The following FER variants were observed in gnomAD, a reference collection of about 807,000 sequenced individuals.
FER encodes tyrosine-protein kinase Fer.
FER carries 63 observed loss-of-function variants against 111.0 expected under a neutral mutation model. The ratio of observed to expected loss-of-function variants is 0.57; its 90% CI spans 0.46 to 0.70. The LOEUF is 0.70. Ranked by LOEUF, FER falls within the 30% of genes least tolerant of loss-of-function variation. FER has a pLI of 0.00. For synonymous variants in FER, 327 were observed against 313.9 expected, an observed-to-expected ratio of 1.04 and a Z score of -0.44; for missense variants, 914 against 954.0, an observed-to-expected ratio of 0.96 and a Z score of 0.55.
At chr5:109,025,988 C>G (rs1768675026) in intron 13 of FER, among the ~76,000 whole-genome samples, 1 of 152,052 alleles carries the variant, frequency 6.6e-6, no homozygotes, top group Admixed American at 6.6e-5. Flanking sequence ...TAACTGTTGG[C>G]TCTGAGAGTT....
At chr5:109,009,593 A>G (rs1309092424) in intron 13 of FER, among the ~76,000 whole-genome samples, 1 of 152,080 alleles carries the variant, frequency 6.6e-6, no homozygotes, top group East Asian at 1.9e-4. Context: ...TATAGAATCT[A>G]CCTTCTCCCT....
chr5:109,113,243 C>G (rs1241409528), intron 17 of FER, among the ~76,000 whole-genome samples: 3 of 152,066 alleles, frequency 2.0e-5, no homozygotes, highest in Non-Finnish European at 4.4e-5. Flanking sequence ...TTTTTCCTGC[C>G]TGATCTTGAT....
intron 16 of FER, among the ~76,000 whole-genome samples, chr5:109,062,142 G>A (rs115761658): frequency 0.027 from 4,170 of 152,074 alleles, 95 homozygotes; most frequent in Non-Finnish European, 0.036. Flanking sequence ...GCTAAAAGAT[G>A]ACCCCTTACT....
chr5:108,927,143 A>T (rs1753852131), intron 10 of FER, among the ~76,000 whole-genome samples: 1 of 152,070 alleles, frequency 6.6e-6, no homozygotes, highest in South Asian at 2.1e-4. Context: ...ATCTTGTAAG[A>T]ATTTTTAAAT....
At chr5:108,866,221 A>G (rs186060605) in intron 5 of FER, among the ~76,000 whole-genome samples, 52 of 152,334 alleles carry the variant, frequency 3.4e-4, no homozygotes, top group African/African-American at 6.7e-4. Flanking sequence ...TTAAGAAAAT[A>G]TGGCACATAT....
intron 17 of FER, among the ~76,000 whole-genome samples, chr5:109,170,004 A>G (rs1756939007): frequency 6.6e-6 from 1 of 152,156 alleles, no homozygotes. Context: ...GTAGCTGAAC[A>G]TTTTGCAGAC....
intron 10 of FER, among the ~76,000 whole-genome samples, chr5:108,918,643 C>T (rs538233018): frequency 4.6e-5 from 7 of 152,104 alleles, no homozygotes; most frequent in East Asian, 1.9e-4. Context: ...CCCGCCACCA[C>T]GCCTGGCTAA....
chr5:108,954,759 C>A lies in FER; in HGVS notation c.1360C>A (p.Pro454Thr). 1 of 1,605,298 alleles carries A rather than the reference C, an allele frequency of 6.2e-7. No individual in the cohort carries two copies. Reference sequence around the variant, plus strand: ...TGATATGATCTCCATCAGTGAGAAGCCTTTGGCAGAACAGGACTGGTACCA... The same window carrying A: ...TGATATGATCTCCATCAGTGAGAAGACTTTGGCAGAACAGGACTGGTACCA... ...LSDMISISEK[P>T]LAEQDWYHGA... Residue 454 changes from proline (P) to threonine (T), a missense_variant, in exon 12 of 20, where the codon CCT becomes ACT. Pro to Thr is a conservative substitution (Grantham distance 38). This residue lies in a region of FER where 774 missense variants were observed against 782.6 expected (regional missense o/e 0.99). Coordinates refer to ENST00000281092, the MANE Select transcript of FER (RefSeq NM_005246.4).
intron 10 of FER, among the ~76,000 whole-genome samples, chr5:108,943,700 AT>A (rs1181184111): frequency 2.6e-5 from 4 of 151,860 alleles, no homozygotes; most frequent in East Asian, 1.9e-4. Flanking sequence ...TAATTTAGGT[AT>A]TTTTTTAATA....
intron 9 of FER, among the ~76,000 whole-genome samples, chr5:108,897,260 A>G (rs1749284451): frequency 1.3e-5 from 2 of 152,130 alleles, no homozygotes. Context: ...ATTTTACCCT[A>G]GGCACAGATC....
intron 5 of FER, among the ~76,000 whole-genome samples, chr5:108,862,655 A>T (rs1039248897): frequency 6.6e-6 from 1 of 152,216 alleles, no homozygotes; most frequent in Admixed American, 6.5e-5. Flanking sequence ...GTACTCAAAT[A>T]CACTTGCATG....
At chr5:109,107,457 T>C (rs986502565) in intron 17 of FER, among the ~76,000 whole-genome samples, 1 of 152,136 alleles carries the variant, frequency 6.6e-6, no homozygotes, top group African/African-American at 2.4e-5. Flanking sequence ...CCCAGTAGTT[T>C]CTTTTTCTGC....
chr5:108,920,821 C>T (rs1295475154), intron 10 of FER, among the ~76,000 whole-genome samples: 1 of 152,108 alleles, frequency 6.6e-6, no homozygotes, highest in African/African-American at 2.4e-5. Flanking sequence ...TTATGACCCT[C>T]CATTGGTATT....
chr5:109,067,267 TTGCTGCTGC>T (rs141689251), intron 16 of FER, among the ~76,000 whole-genome samples: 11 of 150,658 alleles, frequency 7.3e-5, no homozygotes, highest in African/African-American at 2.7e-4. Flanking sequence ...GTTGTTGCTG[TTGCTGCTGC>T]TGCTGCTGTT....
At chr5:108,797,519 G>A (rs1756166283) in intron 2 of FER, among the ~76,000 whole-genome samples, 1 of 152,170 alleles carries the variant, frequency 6.6e-6, no homozygotes. Context: ...TGACATGGCA[G>A]CAGTGAGTTT....
chr5:108,960,485 T>C (rs1167112620), intron 13 of FER, among the ~76,000 whole-genome samples: 1 of 151,916 alleles, frequency 6.6e-6, no homozygotes, highest in East Asian at 1.9e-4. Context: ...TACCCTTAAT[T>C]ACCAAAACCA....
At chr5:109,006,866 A>G (rs1765563875) in intron 13 of FER, among the ~76,000 whole-genome samples, 2 of 152,162 alleles carry the variant, frequency 1.3e-5, no homozygotes, top group South Asian at 4.1e-4. Context: ...CACTTAATTA[A>G]GATTATTAAA....
chr5:109,035,431 A>C (rs1581740059), intron 13 of FER, among the ~76,000 whole-genome samples: 1 of 152,210 alleles, frequency 6.6e-6, no homozygotes, highest in Admixed American at 6.5e-5. Flanking sequence ...TTAACTCAGC[A>C]AAGTGATTTG....
chr5:108,808,338 T>C (rs1456907738), intron 3 of FER, among the ~76,000 whole-genome samples: 2 of 152,132 alleles, frequency 1.3e-5, no homozygotes, highest in Admixed American at 6.5e-5. Flanking sequence ...AATTAAATTC[T>C]TTATCATTAG....
Sources: gnomAD v4.1 joint callset for allele counts (sites outside exome capture counted in the v4.1 genomes callset) on GRCh38, gnomAD v4.1.1 for gene constraint, gnomAD v4.1.1 regional missense constraint, MANE v1.5 for transcripts, NCBI Gene and HGNC (gene_info 2026-07-23, HGNC 2026-07-21) for gene names.